The following LTBP1 variants were observed in gnomAD, a reference collection of about 807,000 sequenced individuals.
LTBP1 encodes latent-transforming growth factor beta-binding protein 1.
Under a neutral mutation model 207.6 loss-of-function variants are expected in LTBP1, and 129 were observed. The observed-to-expected ratio is 0.62, with a 90% CI of 0.54 to 0.72. The LOEUF is 0.72. Ranked by LOEUF, LTBP1 falls within the 30% of genes least tolerant of loss-of-function variation. The probability of loss-of-function intolerance (pLI) is 0.00; values close to 1 mark genes in which losing one functional copy is unlikely to be tolerated. For missense variants in LTBP1, 2,281 were observed against 2,217.2 expected (o/e 1.03, Z -0.58); for synonymous variants, 963 against 833.7 (o/e 1.16, Z -2.67).
intron 4 of LTBP1, among the ~76,000 whole-genome samples, chr2:33,113,704 C>T (rs569750916): frequency 1.3e-5 from 2 of 152,298 alleles, no homozygotes; most frequent in South Asian, 4.1e-4. Context: ...TAAAGGATAT[C>T]TCTTTTTTTT....
intron 26 of LTBP1, among the ~76,000 whole-genome samples, chr2:33,357,171 G>A (rs997281396): frequency 3.3e-5 from 5 of 152,136 alleles, no homozygotes; most frequent in Non-Finnish European, 7.4e-5. Context: ...AGATGGAAAC[G>A]GCCCTACAAG....
chr2:33,068,419 T>C (rs2077626005), intron 3 of LTBP1, among the ~76,000 whole-genome samples: 1 of 152,186 alleles, frequency 6.6e-6, no homozygotes, highest in Non-Finnish European at 1.5e-5. Context: ...TAATTTGTTA[T>C]AAATGATGAA....
intron 10 of LTBP1, among the ~76,000 whole-genome samples, chr2:33,247,029 G>A (rs2092536746): frequency 6.6e-6 from 1 of 152,194 alleles, no homozygotes; most frequent in Non-Finnish European, 1.5e-5. Context: ...CTGAACTCCT[G>A]CAGGAACTTC....
At chr2:33,306,385 C>T (rs1011173205) in intron 22 of LTBP1, among the ~76,000 whole-genome samples, 3 of 151,842 alleles carry the variant, frequency 2.0e-5, no homozygotes, top group Non-Finnish European at 2.9e-5. Context: ...GCCTGGCCAA[C>T]ATGGTAAAAC....
intron 24 of LTBP1, among the ~76,000 whole-genome samples, chr2:33,336,050 C>G (rs2094550410): frequency 6.6e-6 from 1 of 152,120 alleles, no homozygotes; most frequent in Non-Finnish European, 1.5e-5. Flanking sequence ...ACAAAAATAT[C>G]CTCTTCATGG....
chr2:33,217,790 G>T, intron 8 of LTBP1, 136 bp downstream of exon 8: 2 of 594,142 alleles, frequency 3.4e-6, no homozygotes, highest in Non-Finnish European at 5.7e-6. Flanking sequence ...ACTATGATGT[G>T]CATTTCCAGA....
At chr2:33,375,802 A>G (rs552575124) in intron 31 of LTBP1, among the ~76,000 whole-genome samples, 1 of 150,992 alleles carries the variant, frequency 6.6e-6, no homozygotes, top group Non-Finnish European at 1.5e-5. Flanking sequence ...TCGGCCTCCC[A>G]AAGTGCTGGG....
intron 7 of LTBP1, among the ~76,000 whole-genome samples, chr2:33,205,899 G>A (rs2089828599): frequency 6.6e-6 from 1 of 152,134 alleles, no homozygotes; most frequent in African/African-American, 2.4e-5. Context: ...GAGTCCATGT[G>A]AGCACACAGC....
At chr2:33,257,773 G>T (rs1300592982) in intron 12 of LTBP1, among the ~76,000 whole-genome samples, 1 of 152,198 alleles carries the variant, frequency 6.6e-6, no homozygotes, top group African/African-American at 2.4e-5. Context: ...GCTTTATCTT[G>T]GCGTTTATAT....
intron 24 of LTBP1, among the ~76,000 whole-genome samples, chr2:33,339,567 A>G (rs2094591778): frequency 6.6e-6 from 1 of 152,138 alleles, no homozygotes; most frequent in Admixed American, 6.5e-5. Context: ...ATCAATCAGA[A>G]CAGATTTATT....
At chr2:33,186,171 G>A (rs936101284) in intron 5 of LTBP1, among the ~76,000 whole-genome samples, 2 of 152,142 alleles carry the variant, frequency 1.3e-5, no homozygotes, top group South Asian at 2.1e-4. Context: ...GTTCTGGGTA[G>A]CATTTAGTGT....
chr2:33,338,708 GGTGGCATGGAGATTCCAGAGACGGAAGGA>G (rs1362868631), intron 24 of LTBP1, among the ~76,000 whole-genome samples: 7 of 152,132 alleles, frequency 4.6e-5, no homozygotes, highest in Non-Finnish European at 1.0e-4. Context: ...AGGGGAAAGG[GGTGGCATGGAGATTCCAGAGACGGAAGGA>G]GTGGCATGGA....
rs2093416452 is a variant in LTBP1 at position 33,275,886 on chromosome 2, C to T, written c.2955C>T (p.Asp985=). ...GGGCCTTCCGGTGTGAATACTGTGA[C>T]AGCGGGTACCGCATGACTCAGAGAG... The part of the protein sequence containing the change: ...TVGAFRCEYC[D]SGYRMTQRGR... Residue 985 remains aspartate (D), a synonymous_variant, in exon 18 of 34, where the codon GAC becomes GAT. Coordinates refer to ENST00000404816, the MANE Select transcript of LTBP1 (RefSeq NM_206943.4). 6.2e-7 allele frequency: 1 copy of T among 1,608,620 alleles called. No individual in the cohort carries two copies. Among genetic ancestry groups the T allele is most frequent in the Admixed American group, 1.7e-5 (1 of 59,444 alleles).
chr2:33,083,892 G>A (rs1188208960), intron 3 of LTBP1, among the ~76,000 whole-genome samples: 1 of 152,190 alleles, frequency 6.6e-6, no homozygotes, highest in African/African-American at 2.4e-5. Context: ...AATTGAGGAA[G>A]CCAGCATTCC....
chr2:33,131,379 G>A (rs2081779567), intron 4 of LTBP1, among the ~76,000 whole-genome samples: 1 of 152,178 alleles, frequency 6.6e-6, no homozygotes, highest in African/African-American at 2.4e-5. Context: ...GAAGCTCAGA[G>A]CATGGATCTC....
intron 5 of LTBP1, among the ~76,000 whole-genome samples, chr2:33,147,083 G>T (rs1359270329): frequency 6.6e-6 from 1 of 152,184 alleles, no homozygotes; most frequent in Non-Finnish European, 1.5e-5. Flanking sequence ...TCAAATGCCT[G>T]CCTTCTTCAA....
chr2:33,189,242 C>T lies in LTBP1; in HGVS notation c.1701+391C>T, dbSNP rs193229530. Among the ~76,000 whole-genome samples the T allele has an allele frequency of 1.1e-3, 169 of 152,358 alleles. 1 individual carries two copies. The highest frequency in any genetic ancestry group is 2.7e-3 in the South Asian group (13 of 4,832). On this transcript the variant is annotated intron_variant, in intron 7 of 33. Coordinates refer to ENST00000404816, the MANE Select transcript of LTBP1 (RefSeq NM_206943.4). The stretch of plus-strand genomic sequence containing the variant: ...TTGGAGTCTCACTCTGTTGCCCAGG[C>T]TGGAGTGCAGTGGCACGATCTTGGC...
At chr2:33,156,264 C>G (rs910943769) in intron 5 of LTBP1, among the ~76,000 whole-genome samples, 5 of 152,204 alleles carry the variant, frequency 3.3e-5, no homozygotes, top group Admixed American at 6.5e-5. Context: ...GTTGTGCTTT[C>G]ACCTCATGTG....
At chr2:33,260,983 T>C (rs900392058) in intron 13 of LTBP1, among the ~76,000 whole-genome samples, 3 of 152,218 alleles carry the variant, frequency 2.0e-5, no homozygotes, top group African/African-American at 7.2e-5. Context: ...TTTGTTGTCT[T>C]GGTACTTAAA....
Sources: allele counts gnomAD v4.1 joint callset (sites outside exome capture counted in the v4.1 genomes callset), GRCh38; gene constraint gnomAD v4.1.1; transcripts MANE v1.5; gene names NCBI Gene and HGNC (gene_info 2026-07-23, HGNC 2026-07-21).